RAPH1: variants seen among roughly 807,000 people sequenced by gnomAD.
The protein encoded by RAPH1 is ras-associated and pleckstrin homology domains-containing protein 1.
RAPH1 carries 18 observed loss-of-function variants against 88.1 expected under a neutral mutation model. The observed-to-expected ratio is 0.20, with a 90% confidence interval of 0.14 to 0.30. The LOEUF is 0.30. Ranked by LOEUF, RAPH1 falls within the 10% of genes least tolerant of loss-of-function variation. The pLI is 1.00. For missense variants in RAPH1, 1,448 were observed against 1,543.2 expected (o/e 0.94, Z 1.03); for synonymous variants, 587 against 559.0 (o/e 1.05, Z -0.71).
chr2:203,528,134 G>T (rs1473405386), intron 1 of RAPH1, among the ~76,000 whole-genome samples: 2 of 152,124 alleles, frequency 1.3e-5, no homozygotes, highest in African/African-American at 2.4e-5. Flanking sequence ...TGTTGTAAGT[G>T]GCTGTGCTGT....
chr2:203,468,871 T>A (rs2098530780), intron 4 of RAPH1, among the ~76,000 whole-genome samples: 1 of 152,188 alleles, frequency 6.6e-6, no homozygotes, highest in South Asian at 2.1e-4. Context: ...CAGTAAATCC[T>A]ACAGATTAAC....
chr2:203,470,243 G>A (rs1559467968), intron 4 of RAPH1: 1 of 1,609,680 alleles, frequency 6.2e-7, no homozygotes. Flanking sequence ...TATCACCTTG[G>A]TCAGCAAATG....
At chr2:203,510,888 G>C (rs1488732069) in intron 1 of RAPH1, among the ~76,000 whole-genome samples, 1 of 151,956 alleles carries the variant, frequency 6.6e-6, no homozygotes, top group Non-Finnish European at 1.5e-5. Flanking sequence ...GCGAGACTCT[G>C]TCTGTATTAA....
At chr2:203,533,070 A>C (rs1355246535) in intron 1 of RAPH1, among the ~76,000 whole-genome samples, 2 of 152,198 alleles carry the variant, frequency 1.3e-5, no homozygotes, top group Non-Finnish European at 2.9e-5. Flanking sequence ...AGACATAATC[A>C]TCCTCAAAGA....
In RAPH1 at chr2:203,441,007, A is replaced by T; in HGVS notation, c.2183T>A (p.Leu728Gln). 1 of 1,227,304 alleles carries T rather than the reference A, an allele frequency of 8.1e-7. No homozygotes were observed. Among genetic ancestry groups the T allele is most frequent in the South Asian group, 1.2e-5 (1 of 80,366 alleles). 76.0% of individuals were successfully genotyped at this position (1,227,304 alleles called of 1,614,324 possible). ...PPTPGSAMAQ[L>Q]KPAPCAPSLP... ...GGATGGGGCACACGGTGCAGGCTTT[A>T]GCTGGGCCATGGCAGAGCCTGGGGT... Residue 728 changes from leucine (L) to glutamine (Q), a missense_variant, in exon 14 of 14, where the codon CTA becomes CAA. This residue lies in a region of RAPH1 where 935 missense variants were observed against 890.1 expected (regional missense o/e 1.05). Transcript: ENST00000319170.
intron 4 of RAPH1, among the ~76,000 whole-genome samples, chr2:203,466,292 T>A (rs942787839): frequency 1.3e-5 from 2 of 152,176 alleles, no homozygotes; most frequent in Admixed American, 1.3e-4. Flanking sequence ...ATTGCAAGAC[T>A]CCTAATATTT....
chr2:203,473,040 A>T (rs552991918), intron 4 of RAPH1, among the ~76,000 whole-genome samples: 1 of 152,334 alleles, frequency 6.6e-6, no homozygotes, highest in South Asian at 2.1e-4. Context: ...ATAGTTAAAC[A>T]TGATCATAAA....
chr2:203,510,073 G>T (rs1419029127), intron 1 of RAPH1, among the ~76,000 whole-genome samples: 1 of 152,078 alleles, frequency 6.6e-6, no homozygotes, highest in Non-Finnish European at 1.5e-5. Context: ...AGTAATATGA[G>T]AATGGCCTAA....
rs781057740 is a variant in RAPH1, at chr2:203,491,233, G to A, written c.207C>T (p.Phe69=). Residue 69 remains phenylalanine, a synonymous_variant, in exon 3 of 14, where the codon TTC becomes TTT. Coordinates refer to ENST00000319170, the MANE Select transcript of RAPH1 (RefSeq NM_213589.3). The stretch of plus-strand genomic sequence containing the variant: ...TCTTACCATTCAAGTTGTATATGGA[G>A]AAGCGGTAAGAAAAGTTGGCCATGT... The part of the protein sequence containing the change: ...ETNMANFSYR[F]SIYNLNEALN... 1 of 1,610,408 alleles carries A rather than the reference G, an allele frequency of 6.2e-7. No individual in the cohort carries two copies. Among genetic ancestry groups the A allele is most frequent in the South Asian group, 1.1e-5 (1 of 90,942 alleles).
At chr2:203,474,684 A>G (rs2098535837) in intron 4 of RAPH1, among the ~76,000 whole-genome samples, 2 of 152,246 alleles carry the variant, frequency 1.3e-5, no homozygotes, top group Non-Finnish European at 2.9e-5. Context: ...CCAGTAAATG[A>G]TAGGAGATAT....
chr2:203,528,567 G>A (rs1690232119), intron 1 of RAPH1, among the ~76,000 whole-genome samples: 1 of 152,242 alleles, frequency 6.6e-6, no homozygotes, highest in African/African-American at 2.4e-5. Context: ...GAGCTGCCTT[G>A]TCAGCTAAGA....
chr2:203,450,918 AAAC>A (rs1301262897), intron 10 of RAPH1, among the ~76,000 whole-genome samples: 1 of 151,770 alleles, frequency 6.6e-6, no homozygotes, highest in Non-Finnish European at 1.5e-5. Context: ...TTTTTAATCA[AAAC>A]AACATCTGGG....
chr2:203,514,115 T>TG (rs1448224610), intron 1 of RAPH1, among the ~76,000 whole-genome samples: 1 of 152,146 alleles, frequency 6.6e-6, no homozygotes, highest in Non-Finnish European at 1.5e-5. Context: ...GTGCTGGGAT[T>TG]GCAGGCATGA....
Position 203,461,403 on chromosome 2 carries a change from C to A in RAPH1, c.816G>T (p.Val272=). Residue 272 remains valine (V), a synonymous_variant, in exon 6 of 14, where the codon GTG becomes GTT. Coordinates refer to ENST00000319170, the MANE Select transcript of RAPH1 (RefSeq NM_213589.3). ...TGTCATCAGACATGTGGACTCTGAT[C>A]ACCAGCTATAACAGGTAAAAAGAAA... ...KIKEAQVKKL[V]IRVHMSDDSS... The A allele has an allele frequency of 6.3e-7, 1 of 1,597,760 alleles. No individual in the cohort carries two copies. Among genetic ancestry groups the A allele is most frequent in the Non-Finnish European group, 8.5e-7 (1 of 1,172,030 alleles).
In RAPH1 at chr2:203,460,843, G is replaced by A. The variant is rs185294372; in HGVS notation, c.970+406C>T. Among the ~76,000 whole-genome samples the A allele has an allele frequency of 5.0e-3, 767 of 152,216 alleles. 10 individuals carry two copies. Among genetic ancestry groups the A allele is most frequent in the African/African-American group, 0.017 (725 of 41,540 alleles). Reference sequence around the variant, plus strand: ...AAAATATATAAAGATGAGGCCAGGCGTGGTGGTTCACGCCTGTAATCCCAG... The same window carrying A: ...AAAATATATAAAGATGAGGCCAGGCATGGTGGTTCACGCCTGTAATCCCAG... On this transcript the variant is annotated intron_variant, in intron 6 of 13. Coordinates refer to ENST00000319170, the MANE Select transcript of RAPH1 (RefSeq NM_213589.3).
At chr2:203,475,543 A>C (rs1009172920) in intron 4 of RAPH1, among the ~76,000 whole-genome samples, 5 of 152,334 alleles carry the variant, frequency 3.3e-5, no homozygotes, top group African/African-American at 9.6e-5. Flanking sequence ...ATTATAAATA[A>C]TCTTATCTCA....
intron 8 of RAPH1, among the ~76,000 whole-genome samples, 197 bp downstream of exon 8, chr2:203,457,333 C>CCCA (rs1276923223): frequency 1.3e-5 from 2 of 151,832 alleles, no homozygotes; most frequent in Non-Finnish European, 2.9e-5. Context: ...ATTACAGGCG[C>CCCA]CCACCACCAC....
At chr2:203,471,234 G>T (rs1205157571) in intron 4 of RAPH1, among the ~76,000 whole-genome samples, 2 of 152,116 alleles carry the variant, frequency 1.3e-5, no homozygotes, top group Non-Finnish European at 2.9e-5. Flanking sequence ...CTGAGTAAAA[G>T]TATAGAAAAT....
At position 203,440,897 on chromosome 2, in the gene RAPH1, G is replaced by C. The variant is rs201016131; in HGVS notation, c.2293C>G (p.Pro765Ala). ...AGGGGTGCAGGGATAGGAGGAGGTGGGGGGGGTGTTGGGGGAGCCACCTGA... is the reference window on the plus strand; with the variant it reads ...AGGGGTGCAGGGATAGGAGGAGGTGCGGGGGGTGTTGGGGGAGCCACCTGA... ...ITQVAPPTPP[P>A]PPPIPAPLPP... Residue 765 changes from proline to alanine, a missense_variant, in exon 14 of 14, where the codon CCA (proline) becomes GCA (alanine). Around this residue, in one of 2 missense-constraint regions of RAPH1, gnomAD observed 935 missense variants for 890.1 expected, o/e 1.05. Transcript: ENST00000319170. 78 of 1,495,180 alleles carry C rather than the reference G, an allele frequency of 5.2e-5. No individual in the cohort carries two copies. Among genetic ancestry groups the C allele is most frequent in the South Asian group, 4.5e-4 (36 of 79,344 alleles). The allele number at this position is 1,495,180 out of a possible 1,614,324, so 92.6% of individuals were successfully genotyped here. A position where few individuals can be genotyped will look rare whatever the true frequency, so the allele number is the denominator to read the frequency against.
Sources: gnomAD v4.1 joint callset for allele counts (sites outside exome capture counted in the v4.1 genomes callset) on GRCh38, gnomAD v4.1.1 for gene constraint, gnomAD v4.1.1 regional missense constraint, MANE v1.5 for transcripts, NCBI Gene and HGNC (gene_info 2026-07-23, HGNC 2026-07-21) for gene names.